Variants in PAK3 observed in about 807,000 individuals in gnomAD.
PAK3 encodes the protein p21 (RAC1) activated kinase 3.
Under a neutral mutation model 41.0 loss-of-function variants are expected in PAK3, and 4 were observed. That is an observed-to-expected ratio of 0.10 (90% confidence interval 0.05 to 0.22). The LOEUF is 0.22. Among genes scored for constraint, PAK3 ranks in the 10% least tolerant of loss-of-function variants. The probability of loss-of-function intolerance (pLI) is 1.00; values close to 1 mark genes in which losing one functional copy is unlikely to be tolerated. For missense variants in PAK3, 205 were observed against 409.9 expected, an observed-to-expected ratio of 0.50 and a Z score of 4.32; for synonymous variants, 146 against 139.6, an observed-to-expected ratio of 1.05 and a Z score of -0.32.
At chrX:111,043,164 C>T (rs2092467759) in intron 1 of PAK3, among the ~76,000 whole-genome samples, 1 of 110,159 alleles carries the variant, frequency 9.1e-6, no homozygotes, top group African/African-American at 3.3e-5. Context: ...TGTGATGGCA[C>T]ACACCTGTAG....
At chrX:111,062,149 T>C (rs1162532290) in intron 1 of PAK3, among the ~76,000 whole-genome samples, 1 of 111,590 alleles carries the variant, frequency 9.0e-6, no homozygotes, top group Non-Finnish European at 1.9e-5. Context: ...TGCACTAAGC[T>C]CTAAATAATT....
At chrX:111,040,838 G>A (rs573456318) in intron 1 of PAK3, among the ~76,000 whole-genome samples, 3 of 112,269 alleles carry the variant, frequency 2.7e-5, no homozygotes, top group African/African-American at 6.5e-5. Flanking sequence ...TAACACTGGC[G>A]GTTTCCTGGG....
intron 5 of PAK3, among the ~76,000 whole-genome samples, chrX:111,138,988 CA>C (rs764263658): frequency 1.8e-5 from 2 of 108,604 alleles, no homozygotes; most frequent in Non-Finnish European, 3.8e-5. Flanking sequence ...AAACAAACAA[CA>C]ACACACACAC....
intron 1 of PAK3, among the ~76,000 whole-genome samples, chrX:111,004,963 T>C (rs1379839601): frequency 8.9e-6 from 1 of 112,541 alleles, no homozygotes; most frequent in East Asian, 2.8e-4. Flanking sequence ...TATTTTGTTA[T>C]TGACTAACTG....
At chrX:110,985,346 C>G (rs756134756) in intron 1 of PAK3, among the ~76,000 whole-genome samples, 2 of 111,675 alleles carry the variant, frequency 1.8e-5, no homozygotes, top group South Asian at 3.8e-4. Context: ...ATCTGCCTCC[C>G]CCTTCCTCCT....
chrX:111,083,052 G>A (rs2092848372), intron 1 of PAK3, among the ~76,000 whole-genome samples: 1 of 112,307 alleles, frequency 8.9e-6, no homozygotes, highest in South Asian at 3.7e-4. Context: ...TTCTCCCAAG[G>A]TGATTTAATC....
chrX:110,951,970 T>G (rs1487388411), intron 1 of PAK3, among the ~76,000 whole-genome samples: 1 of 112,508 alleles, frequency 8.9e-6, no homozygotes, highest in Non-Finnish European at 1.9e-5. Context: ...TTCTGAAGGC[T>G]GAGTGGTGAG....
intron 1 of PAK3, among the ~76,000 whole-genome samples, chrX:110,984,088 C>A (rs1194014174): frequency 8.9e-6 from 1 of 112,020 alleles, no homozygotes; most frequent in Non-Finnish European, 1.9e-5. Context: ...CTTGCTTCCG[C>A]TCTTACTGCC....
At chrX:110,984,269 C>G (rs1376653828) in intron 1 of PAK3, among the ~76,000 whole-genome samples, 2 of 112,086 alleles carry the variant, frequency 1.8e-5, no homozygotes, top group Non-Finnish European at 3.8e-5. Flanking sequence ...AGAGCCTGCT[C>G]CTACTTAAAA....
intron 1 of PAK3, among the ~76,000 whole-genome samples, chrX:111,051,123 T>G: frequency 9.0e-6 from 1 of 111,397 alleles, no homozygotes; most frequent in Admixed American, 9.5e-5. Flanking sequence ...TGTTATATTC[T>G]GAACAAGACA....
chrX:111,067,028 CT>C (rs1288299851), intron 1 of PAK3, among the ~76,000 whole-genome samples: 2 of 112,053 alleles, frequency 1.8e-5, no homozygotes, highest in Non-Finnish European at 3.8e-5. Flanking sequence ...TTTAACCACC[CT>C]CCTGGACTTT....
intron 16 of PAK3, among the ~76,000 whole-genome samples, chrX:111,196,850 CTTTCT>C (rs377613455): frequency 0.014 from 1,139 of 79,712 alleles, 13 homozygotes; most frequent in African/African-American, 0.09. Flanking sequence ...TTCTTTCTTT[CTTTCT>C]TTTTTTTTTT....
At chrX:111,004,486 G>C (rs769987964) in intron 1 of PAK3, among the ~76,000 whole-genome samples, 20 of 112,273 alleles carry the variant, frequency 1.8e-4, no homozygotes, top group Non-Finnish European at 3.8e-4. Context: ...AAAAATTAAT[G>C]GTTGGAGAGA....
intron 1 of PAK3, among the ~76,000 whole-genome samples, chrX:110,969,585 A>G (rs1420602209): frequency 5.5e-5 from 6 of 108,911 alleles, no homozygotes; most frequent in Admixed American, 3.9e-4. Flanking sequence ...ACAGGCATGA[A>G]CCACTGCACC....
intron 10 of PAK3, among the ~76,000 whole-genome samples, chrX:111,169,762 A>C (rs1343514034): frequency 8.9e-6 from 1 of 112,050 alleles, no homozygotes; most frequent in Non-Finnish European, 1.9e-5. Flanking sequence ...TGATACTGGC[A>C]TTGTAGAAGA....
At chrX:111,178,876 C>A (rs770442562) in intron 11 of PAK3, among the ~76,000 whole-genome samples, 1 of 108,217 alleles carries the variant, frequency 9.2e-6, no homozygotes, top group South Asian at 4.1e-4. Flanking sequence ...GCAACACTGC[C>A]CCAGCATATA....
At chrX:111,120,388 C>T (rs1411488701) in intron 4 of PAK3, among the ~76,000 whole-genome samples, 2 of 111,488 alleles carry the variant, frequency 1.8e-5, no homozygotes, top group Non-Finnish European at 3.8e-5. Context: ...ATCAGGCAGC[C>T]TGAAAGGAAG....
chrX:111,126,336 A>G (rs1462310786), intron 5 of PAK3, among the ~76,000 whole-genome samples: 1 of 111,246 alleles, frequency 9.0e-6, no homozygotes, highest in Non-Finnish European at 1.9e-5. Context: ...TTGAGACCTC[A>G]TTTTTGCCCA....
At chrX:111,218,262 A>G (rs1253773397) in intron 17 of PAK3, among the ~76,000 whole-genome samples, 1 of 112,102 alleles carries the variant, frequency 8.9e-6, no homozygotes, top group African/African-American at 3.2e-5. Context: ...TTATTGAGCA[A>G]CTTCCATTTG....
Sources: allele counts gnomAD v4.1 joint callset (sites outside exome capture counted in the v4.1 genomes callset), GRCh38; gene constraint gnomAD v4.1.1; transcripts MANE v1.5; gene names NCBI Gene and HGNC (gene_info 2026-07-23, HGNC 2026-07-21).